HDAC8: variants seen among roughly 807,000 people sequenced by gnomAD.
HDAC8 encodes histone deacetylase 8.
HDAC8 carries 1 observed loss-of-function variant against 32.2 expected under a neutral mutation model. That is an observed-to-expected ratio of 0.03 (90% CI 0.01 to 0.15). The LOEUF is 0.15. Among genes scored for constraint, HDAC8 ranks in the 10% least tolerant of loss-of-function variants. HDAC8 has a pLI of 1.00. For synonymous variants in HDAC8, 108 were observed against 113.9 expected (o/e 0.95, Z 0.33); for missense variants, 117 against 300.0 (o/e 0.39, Z 4.51).
At chrX:72,522,013 G>T (rs782548705) in intron 4 of HDAC8, among the ~76,000 whole-genome samples, 3 of 111,587 alleles carry the variant, frequency 2.7e-5, no homozygotes, top group Non-Finnish European at 5.6e-5. Flanking sequence ...GGAGACTCAG[G>T]TTCGAGAAGG....
chrX:72,408,017 C>T (rs1555969169), intron 9 of HDAC8, among the ~76,000 whole-genome samples: 5 of 111,818 alleles, frequency 4.5e-5, no homozygotes, highest in Non-Finnish European at 9.4e-5. Flanking sequence ...TGAGAACCTA[C>T]ACTTTCATTC....
At chrX:72,457,282 C>T (rs2047744976) in intron 9 of HDAC8, among the ~76,000 whole-genome samples, 1 of 112,290 alleles carries the variant, frequency 8.9e-6, no homozygotes, top group African/African-American at 3.2e-5. Flanking sequence ...AGATTAAGCA[C>T]TTTCCCCCTG....
intron 9 of HDAC8, among the ~76,000 whole-genome samples, chrX:72,396,979 G>A (rs2045781287): frequency 8.9e-6 from 1 of 111,900 alleles, no homozygotes; most frequent in South Asian, 3.8e-4. Context: ...GGCTGCACTG[G>A]AAGTATGGTG....
intron 4 of HDAC8, among the ~76,000 whole-genome samples, chrX:72,537,123 T>TA: frequency 1.8e-5 from 2 of 112,337 alleles, no homozygotes; most frequent in Non-Finnish European, 3.8e-5. Flanking sequence ...GTACAAGGAC[T>TA]AAAATCATAG....
chrX:72,553,147 T>C (rs1053491066), intron 4 of HDAC8, among the ~76,000 whole-genome samples: 5 of 110,922 alleles, frequency 4.5e-5, no homozygotes, highest in African/African-American at 1.3e-4. Context: ...CAGGTTCAAG[T>C]GATTCTCCTG....
intron 10 of HDAC8, among the ~76,000 whole-genome samples, chrX:72,346,954 G>A (rs1049312999): frequency 9.0e-6 from 1 of 111,439 alleles, no homozygotes; most frequent in Non-Finnish European, 1.9e-5. Flanking sequence ...AAGAGCAGAC[G>A]GGATGATGAG....
chrX:72,559,361 C>A (rs1422910034), intron 4 of HDAC8, among the ~76,000 whole-genome samples: 1 of 110,011 alleles, frequency 9.1e-6, no homozygotes, highest in Non-Finnish European at 1.9e-5. Flanking sequence ...TGGAGTCTCA[C>A]TCACTCAGTG....
At chrX:72,429,014 TC>T (rs2046732089) in intron 9 of HDAC8, among the ~76,000 whole-genome samples, 1 of 100,311 alleles carries the variant, frequency 1.0e-5, no homozygotes, top group African/African-American at 3.5e-5. Context: ...TTCCTTTCTT[TC>T]TTTCTTTCTT....
intron 9 of HDAC8, among the ~76,000 whole-genome samples, chrX:72,399,735 T>C (rs1301669662): frequency 3.6e-5 from 4 of 112,214 alleles, no homozygotes; most frequent in African/African-American, 6.5e-5. Flanking sequence ...GCCTCTCCAT[T>C]TCAATAAAGT....
At chrX:72,440,224 A>G (rs979438927) in intron 9 of HDAC8, among the ~76,000 whole-genome samples, 15 of 111,994 alleles carry the variant, frequency 1.3e-4, no homozygotes, top group African/African-American at 4.6e-4. Context: ...CTGAATGACT[A>G]CTGGGTACAT....
chrX:72,357,285 T>A (rs1309888463), intron 9 of HDAC8, among the ~76,000 whole-genome samples: 1 of 108,096 alleles, frequency 9.3e-6, no homozygotes, highest in African/African-American at 3.4e-5. Context: ...AGGATGCTGA[T>A]GACAGAGTGG....
intron 4 of HDAC8, among the ~76,000 whole-genome samples, chrX:72,523,071 G>A (rs2050031363): frequency 8.9e-6 from 1 of 112,077 alleles, no homozygotes; most frequent in Non-Finnish European, 1.9e-5. Flanking sequence ...GTCATTATGT[G>A]TATTTAAAAA....
At chrX:72,465,211 G>A (rs1160947706) in intron 7 of HDAC8, among the ~76,000 whole-genome samples, 1 of 111,533 alleles carries the variant, frequency 9.0e-6, no homozygotes, top group African/African-American at 3.3e-5. Flanking sequence ...AAGCATAGAT[G>A]TTATCAGGTA....
intron 10 of HDAC8, among the ~76,000 whole-genome samples, chrX:72,339,037 A>T (rs1178173701): frequency 8.9e-6 from 1 of 111,873 alleles, no homozygotes; most frequent in African/African-American, 3.2e-5. Context: ...ATTAAAATTA[A>T]AAATGTCTTT....
chrX:72,369,767 G>A (rs1399920268), intron 9 of HDAC8, among the ~76,000 whole-genome samples: 3 of 112,949 alleles, frequency 2.7e-5, no homozygotes, highest in Non-Finnish European at 5.6e-5. Flanking sequence ...TAAAACTCAT[G>A]GCAAAGTCAA....
At chrX:72,464,160 CA>C (rs1555992933) in intron 8 of HDAC8, among the ~76,000 whole-genome samples, 1 of 111,542 alleles carries the variant, frequency 9.0e-6, no homozygotes, top group Non-Finnish European at 1.9e-5. Context: ...TACTTACATA[CA>C]AGTAGAGTTG....
At chrX:72,368,963 C>T (rs1472681260) in intron 9 of HDAC8, among the ~76,000 whole-genome samples, 1 of 111,943 alleles carries the variant, frequency 8.9e-6, no homozygotes, top group African/African-American at 3.2e-5. Flanking sequence ...TTCGTGACGA[C>T]CTTGGTTCTG....
chrX:72,556,252 A>G lies in HDAC8; in HGVS notation c.437+11637T>C, dbSNP rs1467175034. Among the ~76,000 whole-genome samples the G allele has an allele frequency of 2.7e-5, 3 of 112,309 alleles. No homozygotes were observed. The East Asian group carries it at 8.3e-4, about 31-fold the overall frequency. On this transcript the variant is annotated intron_variant, in intron 4 of 10. Coordinates refer to ENST00000373573, the MANE Select transcript of HDAC8 (RefSeq NM_018486.3). ...CAGCACTACAAGAATTGCTAAAAAT[A>G]AGCATAAATCTTGAAACAAATCCTC...
intron 4 of HDAC8, among the ~76,000 whole-genome samples, chrX:72,548,170 G>C (rs1556060555): frequency 9.0e-6 from 1 of 111,640 alleles, no homozygotes; most frequent in Non-Finnish European, 1.9e-5. Context: ...CAATTTTTCA[G>C]TGGCTCCCCA....
Sources: gnomAD v4.1 joint callset for allele counts (sites outside exome capture counted in the v4.1 genomes callset) on GRCh38, gnomAD v4.1.1 for gene constraint, MANE v1.5 for transcripts, NCBI Gene and HGNC (gene_info 2026-07-23, HGNC 2026-07-21) for gene names.